CAMKMT: variants seen among roughly 807,000 people sequenced by gnomAD.
CAMKMT encodes CaM KMT.
In CAMKMT, 53 loss-of-function variants were observed where a neutral mutation model predicts 48.0. The ratio of observed to expected loss-of-function variants is 1.10; its 90% confidence interval spans 0.89 to 1.39. The LOEUF is 1.39. CAMKMT is among the 40% of genes most tolerant of loss of function. The pLI is 0.00. For synonymous variants in CAMKMT, 165 were observed against 152.3 expected (o/e 1.08, Z -0.61); for missense variants, 428 against 402.7 (o/e 1.06, Z -0.54).
intron 7 of CAMKMT, among the ~76,000 whole-genome samples, chr2:44,739,707 A>T (rs1679566055): frequency 6.6e-6 from 1 of 152,212 alleles, no homozygotes; most frequent in African/African-American, 2.4e-5. Flanking sequence ...CGGTGGGGAC[A>T]AAAGCCTGGC....
At chr2:44,598,920 G>C (rs968843318) in intron 3 of CAMKMT, among the ~76,000 whole-genome samples, 1 of 151,724 alleles carries the variant, frequency 6.6e-6, no homozygotes, top group Non-Finnish European at 1.5e-5. Context: ...ATTAGATTGA[G>C]TAATCACACG....
At chr2:44,479,482 C>T (rs924781961) in intron 3 of CAMKMT, among the ~76,000 whole-genome samples, 1 of 152,144 alleles carries the variant, frequency 6.6e-6, no homozygotes, top group Non-Finnish European at 1.5e-5. Flanking sequence ...CATGAAAAAG[C>T]TTTTAAACCA....
chr2:44,696,882 G>T (rs1676986568), intron 3 of CAMKMT, among the ~76,000 whole-genome samples: 1 of 152,040 alleles, frequency 6.6e-6, no homozygotes, highest in Admixed American at 6.6e-5. Flanking sequence ...GGAATAGGAT[G>T]CTTATAAAAG....
At chr2:44,771,968 T>G (rs570632974) in intron 10 of CAMKMT, 68 bp from the exon 11 acceptor site, 4 of 1,067,140 alleles carry the variant, frequency 3.7e-6, no homozygotes, top group Non-Finnish European at 5.7e-6. Flanking sequence ...ATACTCAACA[T>G]TAATATTGAC....
intron 3 of CAMKMT, among the ~76,000 whole-genome samples, chr2:44,612,878 T>C (rs1671674906): frequency 6.6e-6 from 1 of 152,236 alleles, no homozygotes; most frequent in Non-Finnish European, 1.5e-5. Flanking sequence ...TCTCTCTCAC[T>C]CATTAACGTC....
At chr2:44,477,927 A>C (rs541847885) in intron 3 of CAMKMT, among the ~76,000 whole-genome samples, 8 of 152,190 alleles carry the variant, frequency 5.3e-5, no homozygotes, top group Non-Finnish European at 8.8e-5. Context: ...GACGGATGGT[A>C]CTTCCTCCAT....
chr2:44,730,375 C>T (rs1470614506), intron 7 of CAMKMT, among the ~76,000 whole-genome samples: 1 of 152,202 alleles, frequency 6.6e-6, no homozygotes, highest in East Asian at 1.9e-4. Context: ...TTACATAGGG[C>T]CATCGGTAAT....
chr2:44,583,052 T>C lies in CAMKMT; in HGVS notation c.377-121231T>C, dbSNP rs188197326. The stretch of plus-strand genomic sequence containing the variant: ...CAAAAAACCCTTAAAATACATATAA[T>C]ACATAATAGTCATTATTTGGGTATT... On this transcript the variant is annotated intron_variant, in intron 3 of 10. Coordinates refer to ENST00000378494, the MANE Select transcript of CAMKMT (RefSeq NM_024766.5). Among the ~76,000 whole-genome samples, 206 of 152,320 alleles carry C rather than the reference T, an allele frequency of 1.4e-3. No homozygotes were observed. In the Middle Eastern group the frequency reaches 0.014, roughly 10 times the overall value.
rs377503808 is a variant in CAMKMT at position 44,565,080 on chromosome 2, G to A, written c.377-139203G>A. 1.2e-4 allele frequency among the ~76,000 whole-genome samples: 19 copies of A among 152,210 alleles called. No individual in the cohort carries two copies. The East Asian group carries it at 1.9e-3, about 15-fold the overall frequency. Reference sequence around the variant, plus strand: ...TTTTCTACTGGGTTGAGGGTTCTTCGGAGAAGGCATCTTTCTCATCTTTGT... The same window carrying A: ...TTTTCTACTGGGTTGAGGGTTCTTCAGAGAAGGCATCTTTCTCATCTTTGT... On this transcript the variant is annotated intron_variant, in intron 3 of 10. Transcript: ENST00000378494.
At chr2:44,363,369 C>G (rs1243204464) in intron 1 of CAMKMT, among the ~76,000 whole-genome samples, 3 of 151,706 alleles carry the variant, frequency 2.0e-5, no homozygotes, top group Non-Finnish European at 4.4e-5. Context: ...TGGACTCAAC[C>G]CCCCTTCCCC....
intron 3 of CAMKMT, among the ~76,000 whole-genome samples, chr2:44,463,014 T>C (rs1349792966): frequency 6.6e-6 from 1 of 152,258 alleles, no homozygotes; most frequent in Non-Finnish European, 1.5e-5. Context: ...TATTTACTTA[T>C]TTATTCAAAG....
intron 3 of CAMKMT, among the ~76,000 whole-genome samples, chr2:44,436,721 A>G (rs559519423): frequency 4.3e-4 from 66 of 152,256 alleles, no homozygotes; most frequent in African/African-American, 1.1e-3. Flanking sequence ...ATAGGTATCT[A>G]TTCTCTCAGG....
At chr2:44,519,944 G>A (rs1428759337) in intron 3 of CAMKMT, among the ~76,000 whole-genome samples, 1 of 151,992 alleles carries the variant, frequency 6.6e-6, no homozygotes, top group Non-Finnish European at 1.5e-5. Context: ...GGGCGCGGTG[G>A]CTCATGCCTG....
rs112980647 is a variant in CAMKMT, at chr2:44,500,306, C to G, written c.376+110001C>G. ...AATCTGTGATACATTTTGAATTAGC[C>G]TCCCTTTTTAGGACTCTTTTGAGCT... is the stretch of plus-strand genomic sequence containing the variant. On this transcript the variant is annotated intron_variant, in intron 3 of 10. Coordinates refer to ENST00000378494, the MANE Select transcript of CAMKMT (RefSeq NM_024766.5). Among the ~76,000 whole-genome samples the G allele has an allele frequency of 7.9e-3, 1,209 of 152,182 alleles. 15 individuals are homozygous for G. Among genetic ancestry groups the G allele is most frequent in the African/African-American group, 0.028 (1,153 of 41,532 alleles).
At chr2:44,400,169 G>T (rs1310769862) in intron 3 of CAMKMT, among the ~76,000 whole-genome samples, 1 of 152,112 alleles carries the variant, frequency 6.6e-6, no homozygotes, top group Non-Finnish European at 1.5e-5. Context: ...ATATAATGGA[G>T]AGGTAAATCT....
chr2:44,632,276 G>C (rs1057003854), intron 3 of CAMKMT, among the ~76,000 whole-genome samples: 2 of 152,128 alleles, frequency 1.3e-5, no homozygotes, highest in South Asian at 4.1e-4. Flanking sequence ...TGTTTGTCAG[G>C]AAAATTTTTA....
intron 1 of CAMKMT, among the ~76,000 whole-genome samples, chr2:44,362,393 A>G (rs1677984247): frequency 6.6e-6 from 1 of 152,168 alleles, no homozygotes; most frequent in South Asian, 2.1e-4. Flanking sequence ...TCGAAGTAGA[A>G]GAACCCCTTC....
At chr2:44,543,995 A>G (rs1258582936) in intron 3 of CAMKMT, among the ~76,000 whole-genome samples, 2 of 152,306 alleles carry the variant, frequency 1.3e-5, no homozygotes, top group African/African-American at 2.4e-5. Context: ...GATAGGTCAA[A>G]TGAAGTTTAT....
At chr2:44,599,957 T>C (rs1670887003) in intron 3 of CAMKMT, among the ~76,000 whole-genome samples, 1 of 152,112 alleles carries the variant, frequency 6.6e-6, no homozygotes, top group Non-Finnish European at 1.5e-5. Flanking sequence ...TTTGAATAAC[T>C]AATGATTTTA....
Sources: allele counts gnomAD v4.1 joint callset (sites outside exome capture counted in the v4.1 genomes callset), GRCh38; gene constraint gnomAD v4.1.1; transcripts MANE v1.5; gene names NCBI Gene and HGNC (gene_info 2026-07-23, HGNC 2026-07-21).